NPHP4: variants seen among roughly 807,000 people sequenced by gnomAD.
NPHP4 encodes nephrocystin 4.
Under a neutral mutation model 155.8 loss-of-function variants are expected in NPHP4, and 151 were observed. The ratio of observed to expected loss-of-function variants is 0.97; its 90% confidence interval spans 0.85 to 1.11. The LOEUF (loss-of-function observed/expected upper bound fraction) is 1.11, where lower values mean the gene tolerates loss of function less well. Among genes scored for constraint, NPHP4 ranks in the 50% least tolerant of loss-of-function variants. NPHP4 has a pLI of 0.00. For synonymous variants in NPHP4, 845 were observed against 816.8 expected (o/e 1.03, Z -0.59); for missense variants, 1,956 against 1,925.7 (o/e 1.02, Z -0.29).
At chr1:5,963,690 T>TTTTC (rs1491283753) in intron 5 of NPHP4, among the ~76,000 whole-genome samples, 6 of 9,520 alleles carry the variant, frequency 6.3e-4, no homozygotes, top group Admixed American at 3.2e-3. Context: ...TTTTCTTTTC[T>TTTTC]TTTTTTTTTT....
intron 16 of NPHP4, among the ~76,000 whole-genome samples, chr1:5,896,166 C>T (rs1414553136): frequency 1.3e-5 from 2 of 152,176 alleles, no homozygotes; most frequent in African/African-American, 4.8e-5. Context: ...AGTCTGGTTA[C>T]TGTTGTTAGG....
At chr1:5,873,027 C>T (rs923586759) in intron 23 of NPHP4, among the ~76,000 whole-genome samples, 1 of 152,232 alleles carries the variant, frequency 6.6e-6, no homozygotes, top group Non-Finnish European at 1.5e-5. Flanking sequence ...AAGGCGGCCA[C>T]CAAGGAGGCA....
At position 5,985,464 on chromosome 1, in the gene NPHP4, C is replaced by T. The variant is rs1055471632; in HGVS notation, c.135+691G>A. On this transcript the variant is annotated intron_variant, in intron 2 of 29. Coordinates refer to ENST00000378156, the MANE Select transcript of NPHP4 (RefSeq NM_015102.5). ...CCCAAGGCCGTGGTACATCCAGCCA[C>T]GCACAGAGCTGCCAGAATGCCCGTA... 4.6e-5 allele frequency among the ~76,000 whole-genome samples: 7 copies of T among 152,262 alleles called. No homozygotes were observed. The South Asian group carries it at 8.3e-4, about 18-fold the overall frequency.
At chr1:5,931,170 T>C (rs1570491606) in intron 10 of NPHP4, among the ~76,000 whole-genome samples, 2 of 152,318 alleles carry the variant, frequency 1.3e-5, no homozygotes, top group East Asian at 3.9e-4. Flanking sequence ...ATACTTCTTA[T>C]AGACAGTATA....
chr1:5,879,816 AAC>A (rs34867257), intron 19 of NPHP4, among the ~76,000 whole-genome samples: 55,649 of 126,176 alleles, frequency 0.44, 11,864 homozygotes, highest in East Asian at 0.76. Context: ...CACACACGCA[AAC>A]ACACACACAC....
At chr1:5,947,929 TG>T in intron 8 of NPHP4, 140 bp downstream of exon 8, 1 of 675,254 alleles carries the variant, frequency 1.5e-6, no homozygotes. Context: ...TTGTTCCTAA[TG>T]GGCACAACTT....
At chr1:5,918,449 C>A (rs1031485757) in intron 11 of NPHP4, among the ~76,000 whole-genome samples, 3 of 151,532 alleles carry the variant, frequency 2.0e-5, no homozygotes, top group African/African-American at 7.3e-5. Flanking sequence ...TTATTAAACA[C>A]GATGAGCAAA....
At chr1:5,902,647 A>G (rs1364176055) in intron 16 of NPHP4, among the ~76,000 whole-genome samples, 2 of 152,066 alleles carry the variant, frequency 1.3e-5, no homozygotes, top group East Asian at 3.9e-4. Flanking sequence ...TCTCCCCAAA[A>G]CTTCTTAAGT....
At chr1:5,983,261 A>C (rs2102425163) in intron 2 of NPHP4, among the ~76,000 whole-genome samples, 1 of 152,306 alleles carries the variant, frequency 6.6e-6, no homozygotes, top group Admixed American at 6.5e-5. Context: ...CAAAAGAGTT[A>C]TCAGAACAGA....
intron 10 of NPHP4, among the ~76,000 whole-genome samples, chr1:5,929,180 T>C (rs1646156302): frequency 6.6e-6 from 1 of 152,198 alleles, no homozygotes; most frequent in Non-Finnish European, 1.5e-5. Flanking sequence ...CACTTACTCA[T>C]TCTAAAAGGA....
At position 5,975,345 on chromosome 1, in the gene NPHP4, G is replaced by A. The variant is rs74049335; in HGVS notation, c.279+2925C>T. Among the ~76,000 whole-genome samples the A allele has an allele frequency of 2.5e-3, 376 of 152,282 alleles. 2 individuals carry two copies. Among genetic ancestry groups the A allele is most frequent in the African/African-American group, 8.7e-3 (361 of 41,542 alleles). On this transcript the variant is annotated intron_variant, in intron 3 of 29. Coordinates refer to ENST00000378156, the MANE Select transcript of NPHP4 (RefSeq NM_015102.5). ...TTGGCAGGAGGGATTCATTCCTGGG[G>A]CACCACTGGCCTCTGCTGCCCACAC...
chr1:5,960,234 G>A (rs1302020308), intron 6 of NPHP4, among the ~76,000 whole-genome samples: 2 of 152,140 alleles, frequency 1.3e-5, no homozygotes, highest in African/African-American at 4.8e-5. Context: ...CCCAGACTGC[G>A]ACCCCACGCT....
chr1:5,959,842 A>C (rs190001420), intron 6 of NPHP4, among the ~76,000 whole-genome samples: 26 of 152,352 alleles, frequency 1.7e-4, no homozygotes, highest in Non-Finnish European at 2.5e-4. Flanking sequence ...TCCCAAGATT[A>C]GTATCAACCG....
At chr1:5,875,893 A>C (rs1642547506) in intron 20 of NPHP4, 1 of 152,278 alleles carries the variant, frequency 6.6e-6, no homozygotes. Context: ...TGCTTTCAGG[A>C]TTTAACTCAA....
At chr1:5,971,538 G>C (rs569917682) in intron 3 of NPHP4, among the ~76,000 whole-genome samples, 1 of 152,190 alleles carries the variant, frequency 6.6e-6, no homozygotes, top group South Asian at 2.1e-4. Flanking sequence ...AGCCTCGAAG[G>C]CTTCATAAAC....
At chr1:5,950,103 A>T (rs1371683303) in intron 7 of NPHP4, among the ~76,000 whole-genome samples, 1 of 152,160 alleles carries the variant, frequency 6.6e-6, no homozygotes, top group Non-Finnish European at 1.5e-5. Context: ...CTAAAAGTCC[A>T]ATTACACTTC....
At chr1:5,915,445 A>T (rs577034504) in intron 11 of NPHP4, among the ~76,000 whole-genome samples, 8 of 152,348 alleles carry the variant, frequency 5.3e-5, no homozygotes, top group Admixed American at 4.6e-4. Flanking sequence ...CCCACTTGAA[A>T]GGCCTTTATT....
chr1:5,875,417 T>C (rs1019803140), intron 20 of NPHP4, among the ~76,000 whole-genome samples: 2 of 152,120 alleles, frequency 1.3e-5, no homozygotes, highest in African/African-American at 4.8e-5. Context: ...ATCAGAAGTT[T>C]CAAACAAGAG....
At position 5,967,490 on chromosome 1, in the gene NPHP4, C is replaced by T. The variant is rs12084942; in HGVS notation, c.453-127G>A. Reference sequence around the variant, plus strand: ...TAAACTCCACCAGTCCCATCCTCTGCGGAAGGCAGAGGCAGCTGAGGCCAG... The same window carrying T: ...TAAACTCCACCAGTCCCATCCTCTGTGGAAGGCAGAGGCAGCTGAGGCCAG... On this transcript the variant is annotated intron_variant, in intron 4 of 29. Transcript: ENST00000378156. 5,403 of 734,460 alleles carry T rather than the reference C, an allele frequency of 7.4e-3. 144 individuals carry two copies. The highest frequency in any genetic ancestry group is 0.071 in the African/African-American group (4,083 of 57,592). 45.5% of individuals were successfully genotyped at this position (734,460 alleles called of 1,614,324 possible).
Sources: allele counts gnomAD v4.1 joint callset (sites outside exome capture counted in the v4.1 genomes callset), GRCh38; gene constraint gnomAD v4.1.1; transcripts MANE v1.5; gene names NCBI Gene and HGNC (gene_info 2026-07-23, HGNC 2026-07-21).